The following TANK variants were observed in gnomAD, a reference collection of about 807,000 sequenced individuals.
TANK encodes the protein TRAF family member-associated NF-kappa-B activator.
In TANK, 15 loss-of-function variants were observed where a neutral mutation model predicts 43.6. That is an observed-to-expected ratio of 0.34 (90% CI 0.23 to 0.53). The LOEUF is 0.53. Among genes scored for constraint, TANK ranks in the 20% least tolerant of loss-of-function variants. TANK has a pLI of 0.94. For missense variants in TANK, 417 were observed against 498.6 expected, an observed-to-expected ratio of 0.84 and a Z score of 1.56; for synonymous variants, 162 against 178.2, an observed-to-expected ratio of 0.91 and a Z score of 0.73.
intron 2 of TANK, among the ~76,000 whole-genome samples, chr2:161,202,450 A>C (rs757727911): frequency 3.6e-4 from 55 of 152,042 alleles, no homozygotes; most frequent in Non-Finnish European, 6.5e-4. Flanking sequence ...CAGCCTCCCA[A>C]GCTTTAATTT....
chr2:161,214,918 G>A (rs1687051954), intron 4 of TANK, among the ~76,000 whole-genome samples: 1 of 152,192 alleles, frequency 6.6e-6, no homozygotes, highest in Non-Finnish European at 1.5e-5. Flanking sequence ...TTACATTAAA[G>A]GAGAGGCATA....
intron 2 of TANK, chr2:161,180,116 T>G: frequency 2.0e-6 from 2 of 999,746 alleles, no homozygotes; most frequent in Non-Finnish European, 2.4e-6. Context: ...TGTTTGGTTT[T>G]GGTGTTTTTT....
At chr2:161,203,412 A>G (rs1356119062) in intron 2 of TANK, 75 bp from the exon 3 acceptor site, 10 of 989,242 alleles carry the variant, frequency 1.0e-5, no homozygotes, top group Non-Finnish European at 7.7e-6. Flanking sequence ...ATATCTATTT[A>G]TATTATCAAT....
chr2:161,162,012 G>T (rs1473849791), intron 1 of TANK: 1 of 152,040 alleles, frequency 6.6e-6, no homozygotes, highest in African/African-American at 2.4e-5. Flanking sequence ...AATGATTTTT[G>T]TATGCTAAGA....
chr2:161,234,535 G>A (rs1024701429), intron 7 of TANK, among the ~76,000 whole-genome samples: 2 of 152,096 alleles, frequency 1.3e-5, no homozygotes, highest in Non-Finnish European at 2.9e-5. Flanking sequence ...TTAAAAAAAA[G>A]AATAAATGCA....
At chr2:161,234,068 T>C (rs373048711) in intron 7 of TANK, among the ~76,000 whole-genome samples, 1 of 152,222 alleles carries the variant, frequency 6.6e-6, no homozygotes, top group South Asian at 2.1e-4. Flanking sequence ...AAGTCCTCCA[T>C]ACTGATATTT....
intron 1 of TANK, among the ~76,000 whole-genome samples, chr2:161,169,314 G>A (rs1023122437): frequency 6.6e-6 from 1 of 152,102 alleles, no homozygotes; most frequent in Non-Finnish European, 1.5e-5. Flanking sequence ...AGGAAACAAA[G>A]CAAACAAGAA....
At chr2:161,167,103 C>T (rs530557111) in intron 1 of TANK, among the ~76,000 whole-genome samples, 30 of 152,322 alleles carry the variant, frequency 2.0e-4, no homozygotes, top group African/African-American at 7.0e-4. Context: ...TTGGGGAAAC[C>T]CAGCAGAGGG....
chr2:161,207,542 T>C, intron 4 of TANK: 5 of 984,124 alleles, frequency 5.1e-6, no homozygotes, highest in Non-Finnish European at 6.0e-6. Flanking sequence ...AAAGAGAAAA[T>C]ATATTGTAAA....
chr2:161,205,539 ATTG>A (rs1158794738), intron 4 of TANK, among the ~76,000 whole-genome samples: 25 of 152,168 alleles, frequency 1.6e-4, no homozygotes, highest in Non-Finnish European at 4.4e-5. Flanking sequence ...GCAAGACTCT[ATTG>A]AAGTAATACA....
At chr2:161,197,767 A>G (rs1444023469) in intron 2 of TANK, among the ~76,000 whole-genome samples, 9 of 152,158 alleles carry the variant, frequency 5.9e-5, no homozygotes, top group Admixed American at 5.9e-4. Flanking sequence ...AATCTTATTC[A>G]TGTGGGAGCA....
At chr2:161,156,325 A>G (rs918020464), upstream of TANK, 12 of 985,310 alleles carry the variant, frequency 1.2e-5, no homozygotes, top group African/African-American at 3.5e-5. Context: ...TTGCCATTGC[A>G]TGTTGTTCTG....
At chr2:161,156,793 T>C (rs1449872935), upstream of TANK, among the ~76,000 whole-genome samples, 1 of 152,238 alleles carries the variant, frequency 6.6e-6, no homozygotes, top group East Asian at 1.9e-4. Flanking sequence ...TGAGATTCCT[T>C]ACCTTTAATA....
chr2:161,212,010 A>G (rs1686912766), intron 4 of TANK: 1 of 921,562 alleles, frequency 1.1e-6, no homozygotes, highest in Non-Finnish European at 1.3e-6. Flanking sequence ...ACTATCTTCA[A>G]CCAATTTATT....
intron 1 of TANK, chr2:161,139,885 T>C (rs1025247515): frequency 7.1e-6 from 7 of 985,340 alleles, no homozygotes; most frequent in Non-Finnish European, 6.0e-6. Context: ...GCAATTTAGT[T>C]ACAACTGTGG....
intron 2 of TANK, among the ~76,000 whole-genome samples, chr2:161,197,063 T>A (rs1686184743): frequency 6.6e-6 from 1 of 152,154 alleles, no homozygotes. Context: ...AAAGGGTATA[T>A]ACCAAAATGT....
intron 1 of TANK, among the ~76,000 whole-genome samples, chr2:161,173,420 T>TCA (rs1216315030): frequency 6.6e-6 from 1 of 152,210 alleles, no homozygotes; most frequent in Non-Finnish European, 1.5e-5. Flanking sequence ...GGACTCTGTT[T>TCA]AAGTGTCAGA....
At chr2:161,191,297 A>G (rs1029145799) in intron 2 of TANK, among the ~76,000 whole-genome samples, 3 of 152,200 alleles carry the variant, frequency 2.0e-5, no homozygotes, top group Non-Finnish European at 4.4e-5. Context: ...TTTTTAAAGT[A>G]AACAATTCAA....
intron 2 of TANK, among the ~76,000 whole-genome samples, chr2:161,202,421 C>T (rs6739296): frequency 0.015 from 2,343 of 151,874 alleles, 89 homozygotes; most frequent in South Asian, 0.15. Flanking sequence ...AATCTCCTGA[C>T]CTCGTGATCC....
Sources: gnomAD v4.1 joint callset for allele counts (sites outside exome capture counted in the v4.1 genomes callset) on GRCh38, gnomAD v4.1.1 for gene constraint, MANE v1.5 for transcripts, NCBI Gene and HGNC (gene_info 2026-07-23, HGNC 2026-07-21) for gene names.